REEP1: variants seen among roughly 807,000 people sequenced by gnomAD.
The protein encoded by REEP1 is receptor accessory protein 1.
In REEP1, 22 loss-of-function variants were observed where a neutral mutation model predicts 40.3. That is an observed-to-expected ratio of 0.55 (90% CI 0.39 to 0.78). REEP1 has a LOEUF of 0.78. REEP1 is among the 30% of genes least tolerant of loss of function. The pLI is 0.00. For synonymous variants in REEP1, 116 were observed against 139.2 expected, an observed-to-expected ratio of 0.83 and a Z score of 1.17; for missense variants, 280 against 361.1, an observed-to-expected ratio of 0.78 and a Z score of 1.82.
At chr2:86,226,073 T>TACCACC (rs1674664667) in intron 7 of REEP1, among the ~76,000 whole-genome samples, 1 of 60,534 alleles carries the variant, frequency 1.7e-5, no homozygotes, top group Non-Finnish European at 5.1e-5. Context: ...TGCTCCAGGC[T>TACCACC]ATCACCACCA....
At chr2:86,335,616 C>T (rs533623926) in intron 1 of REEP1, among the ~76,000 whole-genome samples, 49 of 152,122 alleles carry the variant, frequency 3.2e-4, no homozygotes, top group Non-Finnish European at 5.1e-4. Context: ...TTTGGGAGGC[C>T]GAAGCGGGCG....
At chr2:86,335,354 A>T (rs1174794697) in intron 1 of REEP1, among the ~76,000 whole-genome samples, 1 of 152,208 alleles carries the variant, frequency 6.6e-6, no homozygotes, top group African/African-American at 2.4e-5. Context: ...GATAAGTGGT[A>T]TCCCTGACCT....
intron 3 of REEP1, among the ~76,000 whole-genome samples, chr2:86,257,284 T>C (rs1393832063): frequency 6.6e-6 from 1 of 152,132 alleles, no homozygotes; most frequent in Non-Finnish European, 1.5e-5. Context: ...GCAGCTCTTT[T>C]ATTTATTACA....
At chr2:86,272,035 C>T (rs760881455) in intron 2 of REEP1, among the ~76,000 whole-genome samples, 1 of 152,106 alleles carries the variant, frequency 6.6e-6, no homozygotes, top group Non-Finnish European at 1.5e-5. Context: ...CTAGCCTGAC[C>T]AACATGGTGA....
intron 1 of REEP1, among the ~76,000 whole-genome samples, chr2:86,336,065 A>G (rs1213641678): frequency 1.3e-5 from 2 of 152,098 alleles, no homozygotes; most frequent in Non-Finnish European, 2.9e-5. Context: ...CACTGGCAAT[A>G]TCGATCCCAG....
chr2:86,219,119 C>T (rs1177450769), intron 8 of REEP1, among the ~76,000 whole-genome samples: 1 of 152,192 alleles, frequency 6.6e-6, no homozygotes, highest in Non-Finnish European at 1.5e-5. Flanking sequence ...GAACTCCATC[C>T]ACATCCTACA....
chr2:86,221,580 C>T (rs1674429507), intron 7 of REEP1, among the ~76,000 whole-genome samples: 1 of 152,224 alleles, frequency 6.6e-6, no homozygotes, highest in Non-Finnish European at 1.5e-5. Flanking sequence ...CCCGACAGTG[C>T]TTGGAGGCTG....
chr2:86,313,921 C>T (rs1180641132), intron 1 of REEP1, among the ~76,000 whole-genome samples: 3 of 152,248 alleles, frequency 2.0e-5, no homozygotes, highest in African/African-American at 7.2e-5. Context: ...TTTGGTGCCA[C>T]ATCTCTCTAT....
intron 1 of REEP1, among the ~76,000 whole-genome samples, chr2:86,303,128 G>A (rs565398440): frequency 2.6e-5 from 4 of 151,474 alleles, no homozygotes; most frequent in East Asian, 2.0e-4. Context: ...CTGTACCTTC[G>A]AATTCCTAGG....
intron 1 of REEP1, among the ~76,000 whole-genome samples, chr2:86,312,374 C>T (rs1008099207): frequency 8.5e-5 from 13 of 152,292 alleles, no homozygotes; most frequent in African/African-American, 3.1e-4. Context: ...AGCACTTCTG[C>T]GTTTCAACGA....
At position 86,337,571 on chromosome 2, in the gene REEP1, G is replaced by C; in HGVS notation, c.-61C>G. The C allele has an allele frequency of 3.4e-6, 4 of 1,193,220 alleles. No homozygotes were observed. The highest frequency in any genetic ancestry group is 4.1e-6 in the Non-Finnish European group (4 of 964,604). The allele number at this position is 1,193,220 out of a possible 1,614,324, so 73.9% of individuals were successfully genotyped here. A position where few individuals can be genotyped will look rare whatever the true frequency, so the allele number is the denominator to read the frequency against. On this transcript the variant is annotated 5_prime_UTR_variant, in exon 1 of 9. Coordinates refer to ENST00000538924, the MANE Select transcript of REEP1 (RefSeq NM_001371279.1). The surrounding 1 kb of genome is among the most constrained non-coding windows in gnomAD (Gnocchi z 5.8). Reference sequence around the variant, plus strand: ...GGCTCGGCTAGGCTGCGGGCGGCGCGGGCTGCTGCGGCGTTCCCGGAACGT... The same window carrying C: ...GGCTCGGCTAGGCTGCGGGCGGCGCCGGCTGCTGCGGCGTTCCCGGAACGT...
intron 5 of REEP1, among the ~76,000 whole-genome samples, chr2:86,238,043 T>TATTAGCCA (rs1675455344): frequency 6.6e-6 from 1 of 151,988 alleles, no homozygotes; most frequent in Non-Finnish European, 1.5e-5. Context: ...TAGCCAGGCA[T>TATTAGCCA]GGTGGTGCAT....
chr2:86,270,994 C>A (rs1267834859), intron 2 of REEP1, among the ~76,000 whole-genome samples: 1 of 151,970 alleles, frequency 6.6e-6, no homozygotes, highest in African/African-American at 2.4e-5. Flanking sequence ...GAGTTCTAGA[C>A]CAGCCTGGGC....
At chr2:86,321,701 G>C (rs969413210) in intron 1 of REEP1, among the ~76,000 whole-genome samples, 1 of 152,186 alleles carries the variant, frequency 6.6e-6, no homozygotes, top group East Asian at 1.9e-4. Flanking sequence ...AGACCAAAAA[G>C]AAATCACATT....
intron 3 of REEP1, among the ~76,000 whole-genome samples, chr2:86,263,737 C>T (rs550693169): frequency 6.6e-6 from 1 of 152,152 alleles, no homozygotes; most frequent in Non-Finnish European, 1.5e-5. Context: ...ATGACTATAT[C>T]CCCAGGGCTT....
At chr2:86,249,827 G>A (rs1387609222) in intron 5 of REEP1, among the ~76,000 whole-genome samples, 1 of 151,958 alleles carries the variant, frequency 6.6e-6, no homozygotes, top group South Asian at 2.1e-4. Flanking sequence ...TTCAAAAATA[G>A]AGGGCATTAT....
chr2:86,222,147 T>C (rs953138042), intron 7 of REEP1, among the ~76,000 whole-genome samples: 5 of 152,146 alleles, frequency 3.3e-5, no homozygotes, highest in African/African-American at 1.2e-4. Flanking sequence ...GGCTGAGCAA[T>C]GAACTCACAC....
At chr2:86,310,514 GAC>G (rs1220036585) in intron 1 of REEP1, among the ~76,000 whole-genome samples, 1 of 152,084 alleles carries the variant, frequency 6.6e-6, no homozygotes, top group Non-Finnish European at 1.5e-5. Flanking sequence ...ATCATCTAGT[GAC>G]ACAGTTCTCA....
At chr2:86,227,338 G>A in intron 7 of REEP1, 25 bp downstream of exon 7, 1 of 1,232,246 alleles carries the variant, frequency 8.1e-7, no homozygotes, top group Middle Eastern at 3.1e-4. Flanking sequence ...CCAGCACGCT[G>A]CGGAGAGGCT....
Sources: allele counts gnomAD v4.1 joint callset (sites outside exome capture counted in the v4.1 genomes callset), GRCh38; gene constraint gnomAD v4.1.1; non-coding constraint Gnocchi (gnomAD v3.1); transcripts MANE v1.5; gene names NCBI Gene and HGNC (gene_info 2026-07-23, HGNC 2026-07-21).